Variants in TSHZ2 observed in about 807,000 individuals in gnomAD.
TSHZ2 encodes the protein teashirt homolog 2.
Under a neutral mutation model 74.4 loss-of-function variants are expected in TSHZ2, and 21 were observed. The observed-to-expected ratio is 0.28, with a 90% CI of 0.20 to 0.41. The LOEUF is 0.41. Ranked by LOEUF, TSHZ2 falls within the 10% of genes least tolerant of loss-of-function variation. The pLI, the probability that TSHZ2 is intolerant of heterozygous loss-of-function variation, is 1.00. For synonymous variants in TSHZ2, 540 were observed against 515.3 expected (o/e 1.05, Z -0.65); for missense variants, 1,244 against 1,293.5 (o/e 0.96, Z 0.59).
At chr20:53,414,293 G>GT (rs1324326676) in intron 2 of TSHZ2, among the ~76,000 whole-genome samples, 11 of 152,008 alleles carry the variant, frequency 7.2e-5, no homozygotes, top group Non-Finnish European at 7.4e-5. Context: ...TTCTTGTACT[G>GT]TTTTTTCCCA....
chr20:53,296,008 C>T (rs559926951), intron 2 of TSHZ2, among the ~76,000 whole-genome samples: 1 of 140,416 alleles, frequency 7.1e-6, no homozygotes, highest in African/African-American at 2.7e-5. Flanking sequence ...TTGAAGGATT[C>T]ATTACTATCC....
In TSHZ2 at chr20:53,071,105, T is replaced by C. The variant is rs368477095; in HGVS notation, c.40+97772T>C. Among the ~76,000 whole-genome samples, 77 of 152,318 alleles carry C rather than the reference T, an allele frequency of 5.1e-4. 1 individual carries two copies. The South Asian group carries it at 0.013, about 26-fold the overall frequency. ...GCACATACATAAATGACTCCTCGAG[T>C]GAGAATTTTTTCTCAGAATAAAAGT... is the stretch of plus-strand genomic sequence containing the variant. On this transcript the variant is annotated intron_variant, in intron 1 of 2. Coordinates refer to ENST00000371497, the MANE Select transcript of TSHZ2 (RefSeq NM_173485.6).
At chr20:53,325,570 C>A (rs1979454448) in intron 2 of TSHZ2, among the ~76,000 whole-genome samples, 1 of 152,140 alleles carries the variant, frequency 6.6e-6, no homozygotes, top group South Asian at 2.1e-4. Flanking sequence ...GTGTCCACAC[C>A]TGGGTTCCTG....
chr20:53,264,292 A>G (rs1990662667), intron 2 of TSHZ2, among the ~76,000 whole-genome samples: 1 of 152,244 alleles, frequency 6.6e-6, no homozygotes, highest in South Asian at 2.1e-4. Flanking sequence ...TGCAGGTAGC[A>G]GGTAGCAGGT....
chr20:53,320,320 A>C (rs1979205971), intron 2 of TSHZ2, among the ~76,000 whole-genome samples: 1 of 152,214 alleles, frequency 6.6e-6, no homozygotes, highest in Non-Finnish European at 1.5e-5. Flanking sequence ...TAGGAGGTGC[A>C]TCTGAACTGA....
intron 2 of TSHZ2, among the ~76,000 whole-genome samples, chr20:53,470,436 T>G (rs760371106): frequency 1.3e-5 from 2 of 152,230 alleles, no homozygotes; most frequent in Non-Finnish European, 2.9e-5. Flanking sequence ...TTGAAAAATA[T>G]TAACTACAGG....
At chr20:53,374,006 T>C (rs1306174514) in intron 2 of TSHZ2, among the ~76,000 whole-genome samples, 2 of 152,228 alleles carry the variant, frequency 1.3e-5, no homozygotes, top group East Asian at 3.8e-4. Flanking sequence ...TTATTTTAGA[T>C]TCAGGGGTAC....
intron 2 of TSHZ2, among the ~76,000 whole-genome samples, chr20:53,340,177 C>CTTTCTT (rs1555852081): frequency 1.1e-5 from 1 of 94,080 alleles, no homozygotes; most frequent in Non-Finnish European, 2.0e-5. Context: ...ACTTTTCTTT[C>CTTTCTT]TTTTTTCTTT....
At chr20:53,185,874 G>A (rs1988585759) in intron 1 of TSHZ2, among the ~76,000 whole-genome samples, 1 of 152,152 alleles carries the variant, frequency 6.6e-6, no homozygotes, top group East Asian at 1.9e-4. Flanking sequence ...CAATCATTTT[G>A]TTGGCTCTTA....
At chr20:53,403,060 C>T (rs1440230612) in intron 2 of TSHZ2, among the ~76,000 whole-genome samples, 2 of 152,154 alleles carry the variant, frequency 1.3e-5, no homozygotes, top group Admixed American at 1.3e-4. Flanking sequence ...CGCTCCCTTC[C>T]CTCCCGCTCT....
intron 1 of TSHZ2, among the ~76,000 whole-genome samples, chr20:53,069,729 C>T (rs997968936): frequency 6.9e-6 from 1 of 145,314 alleles, no homozygotes; most frequent in Non-Finnish European, 1.5e-5. Context: ...TTCCATATAA[C>T]GAGAGGAAAA....
chr20:53,462,179 G>A (rs1341042875), intron 2 of TSHZ2, among the ~76,000 whole-genome samples: 1 of 152,168 alleles, frequency 6.6e-6, no homozygotes, highest in African/African-American at 2.4e-5. Context: ...ACTTGAACCT[G>A]GGAGGCGGAG....
At chr20:53,289,926 T>C (rs1241039700) in intron 2 of TSHZ2, among the ~76,000 whole-genome samples, 1 of 152,220 alleles carries the variant, frequency 6.6e-6, no homozygotes. Flanking sequence ...ATTTTCTACA[T>C]TGCTATTATT....
chr20:53,365,725 C>T (rs547456457), intron 2 of TSHZ2, among the ~76,000 whole-genome samples: 23 of 152,328 alleles, frequency 1.5e-4, no homozygotes, highest in Admixed American at 2.6e-4. Context: ...TTCTTCCCTG[C>T]TCTTCTCAGC....
chr20:53,240,986 T>C (rs1990055884), intron 1 of TSHZ2, among the ~76,000 whole-genome samples: 1 of 152,184 alleles, frequency 6.6e-6, no homozygotes, highest in African/African-American at 2.4e-5. Flanking sequence ...CACCAGATAG[T>C]GCTGTCTTCC....
At chr20:53,037,068 A>AT (rs1004598290) in intron 1 of TSHZ2, among the ~76,000 whole-genome samples, 8 of 151,988 alleles carry the variant, frequency 5.3e-5, no homozygotes, top group African/African-American at 1.5e-4. Flanking sequence ...GCATTTATTT[A>AT]TTTTTTCCCT....
intron 1 of TSHZ2, among the ~76,000 whole-genome samples, chr20:53,172,660 TG>T (rs1343447342): frequency 7.2e-5 from 11 of 152,210 alleles, no homozygotes; most frequent in African/African-American, 2.7e-4. Context: ...AACCATCCTG[TG>T]AGGTGAGTAC....
intron 2 of TSHZ2, among the ~76,000 whole-genome samples, chr20:53,392,366 C>A (rs911503385): frequency 6.6e-6 from 1 of 152,146 alleles, no homozygotes; most frequent in Non-Finnish European, 1.5e-5. Context: ...ATCACTTGAA[C>A]CTGGGAGGCA....
intron 2 of TSHZ2, among the ~76,000 whole-genome samples, chr20:53,273,646 A>G (rs555391560): frequency 6.6e-6 from 1 of 152,304 alleles, no homozygotes; most frequent in Admixed American, 6.5e-5. Flanking sequence ...CAAGAGGGTC[A>G]GGAGTGAAAG....
Sources: gnomAD v4.1 joint callset for allele counts (sites outside exome capture counted in the v4.1 genomes callset) on GRCh38, gnomAD v4.1.1 for gene constraint, MANE v1.5 for transcripts, NCBI Gene and HGNC (gene_info 2026-07-23, HGNC 2026-07-21) for gene names.